Variants in NTNG1 observed in about 807,000 individuals in gnomAD.
The protein encoded by NTNG1 is netrin G1.
NTNG1 carries 16 observed loss-of-function variants against 54.0 expected under a neutral mutation model. The ratio of observed to expected loss-of-function variants is 0.30; its 90% CI spans 0.20 to 0.45. The LOEUF (loss-of-function observed/expected upper bound fraction) is 0.45, where lower values mean the gene tolerates loss of function less well. Among genes scored for constraint, NTNG1 ranks in the 20% least tolerant of loss-of-function variants. The pLI is 1.00. For missense variants in NTNG1, 530 were observed against 678.7 expected (o/e 0.78, Z 2.43); for synonymous variants, 255 against 263.1 (o/e 0.97, Z 0.30).
intron 2 of NTNG1, among the ~76,000 whole-genome samples, chr1:107,273,018 T>A (rs534732428): frequency 1.6e-4 from 24 of 152,328 alleles, no homozygotes; most frequent in African/African-American, 5.5e-4. Context: ...TCTAGGATAA[T>A]AAAGATGCAA....
At chr1:107,419,115 A>T (rs1349952336) in intron 5 of NTNG1, among the ~76,000 whole-genome samples, 1 of 151,720 alleles carries the variant, frequency 6.6e-6, no homozygotes, top group Non-Finnish European at 1.5e-5. Context: ...ACTTGCAAAA[A>T]TTTGGAGCAA....
chr1:107,413,714 A>G (rs1002008525), intron 5 of NTNG1, among the ~76,000 whole-genome samples: 3 of 152,138 alleles, frequency 2.0e-5, no homozygotes, highest in Non-Finnish European at 2.9e-5. Flanking sequence ...AACTTAATAA[A>G]AAAGCAACTC....
intron 7 of NTNG1, among the ~76,000 whole-genome samples, chr1:107,446,368 A>G (rs935181658): frequency 5.3e-5 from 8 of 152,142 alleles, no homozygotes; most frequent in Admixed American, 5.2e-4. Flanking sequence ...CAGGGTGGCC[A>G]TAAAATGATC....
chr1:107,430,734 T>A lies in NTNG1; in HGVS notation c.1088-16T>A, dbSNP rs750614596. 1 of 1,612,890 alleles carries A rather than the reference T, an allele frequency of 6.2e-7. No homozygotes were observed. Among genetic ancestry groups the A allele is most frequent in the East Asian group, 2.2e-5 (1 of 44,802 alleles). On this transcript the variant is annotated splice_polypyrimidine_tract_variant and intron_variant, in intron 5 of 7. Coordinates refer to ENST00000370068, the MANE Select transcript of NTNG1 (RefSeq NM_001113226.3). ...ACTGTATACACTCTGTATACATTTC[T>A]GTTCTTCCTTGCAAGATTGTGAATG... is the stretch of plus-strand genomic sequence containing the variant.
chr1:107,231,414 TG>T (rs1378516763), intron 2 of NTNG1, among the ~76,000 whole-genome samples: 1 of 152,174 alleles, frequency 6.6e-6, no homozygotes, highest in Non-Finnish European at 1.5e-5. Context: ...CTGCGGTAAA[TG>T]GTGGTTAATT....
rs185930213 is a variant in NTNG1, at chr1:107,275,238, G to A, written c.247-49044G>A. 1.3e-3 allele frequency among the ~76,000 whole-genome samples: 202 copies of A among 152,188 alleles called. 2 individuals carry two copies. In the East Asian group the frequency reaches 0.019, roughly 15 times the overall value. Reference sequence around the variant, plus strand: ...CTAAAAATACAAAAATTAGCCAGGCGTGGTGGCAGATGCCTATAACCTCAG... The same window carrying A: ...CTAAAAATACAAAAATTAGCCAGGCATGGTGGCAGATGCCTATAACCTCAG... On this transcript the variant is annotated intron_variant, in intron 2 of 7. Coordinates refer to ENST00000370068, the MANE Select transcript of NTNG1 (RefSeq NM_001113226.3).
At chr1:107,360,595 C>T (rs1008569834) in intron 3 of NTNG1, among the ~76,000 whole-genome samples, 1 of 152,134 alleles carries the variant, frequency 6.6e-6, no homozygotes, top group Non-Finnish European at 1.5e-5. Flanking sequence ...AATGGATAGT[C>T]TCTAATTCAT....
At chr1:107,285,633 C>T (rs1237508034) in intron 2 of NTNG1, among the ~76,000 whole-genome samples, 1 of 152,032 alleles carries the variant, frequency 6.6e-6, no homozygotes, top group Non-Finnish European at 1.5e-5. Flanking sequence ...GTTAATCCAC[C>T]AACTCTAAAG....
Position 107,362,333 on chromosome 1 carries a change from G to A in NTNG1, c.888-32821G>A, listed in dbSNP as rs547604470. On this transcript the variant is annotated intron_variant, in intron 3 of 7. Transcript: ENST00000370068. ...AGCTTAGGAGAGTTATGGAGAAGAG[G>A]CTTTTTATTTCCTTTGTAATACTAC... 2.6e-5 allele frequency among the ~76,000 whole-genome samples: 4 copies of A among 152,268 alleles called. No homozygotes were observed. In the East Asian group the frequency reaches 7.7e-4, roughly 29 times the overall value.
intron 2 of NTNG1, among the ~76,000 whole-genome samples, chr1:107,178,796 TA>T (rs529314295): frequency 6.0e-4 from 91 of 152,338 alleles, no homozygotes; most frequent in African/African-American, 2.1e-3. Context: ...TTCACTAAGT[TA>T]AGCCATGGCG....
intron 3 of NTNG1, among the ~76,000 whole-genome samples, chr1:107,387,011 A>T (rs1415981643): frequency 6.6e-6 from 1 of 152,166 alleles, no homozygotes; most frequent in Non-Finnish European, 1.5e-5. Flanking sequence ...AATGTTGAGC[A>T]TTTCTTCGTG....
intron 3 of NTNG1, among the ~76,000 whole-genome samples, chr1:107,376,111 C>T (rs1449363968): frequency 1.3e-5 from 2 of 152,210 alleles, no homozygotes; most frequent in South Asian, 2.1e-4. Context: ...ATTTAATCAT[C>T]AAAACATATA....
chr1:107,161,478 T>C (rs978652791), intron 2 of NTNG1, among the ~76,000 whole-genome samples: 5 of 151,812 alleles, frequency 3.3e-5, no homozygotes, highest in African/African-American at 1.2e-4. Flanking sequence ...CTGGCCAACA[T>C]GGCAAAACCC....
chr1:107,430,983 G>A, intron 6 of NTNG1, 66 bp downstream of exon 6: 1 of 1,501,030 alleles, frequency 6.7e-7, no homozygotes, highest in Non-Finnish European at 9.1e-7. Flanking sequence ...TATTTAGGGT[G>A]GAGAGGCTGG....
At chr1:107,232,239 G>A (rs549075868) in intron 2 of NTNG1, among the ~76,000 whole-genome samples, 1 of 152,286 alleles carries the variant, frequency 6.6e-6, no homozygotes, top group South Asian at 2.1e-4. Flanking sequence ...ATAATAACAT[G>A]TAAAGGACAC....
chr1:107,466,871 G>A (rs752179622), intron 7 of NTNG1, among the ~76,000 whole-genome samples: 4 of 152,070 alleles, frequency 2.6e-5, no homozygotes, highest in South Asian at 2.1e-4. Flanking sequence ...GCTCTTCTTC[G>A]AAAAGCTGTA....
chr1:107,477,155 A>C (rs1049884322), intron 7 of NTNG1, among the ~76,000 whole-genome samples: 1 of 152,224 alleles, frequency 6.6e-6, no homozygotes, highest in African/African-American at 2.4e-5. Context: ...TGCACCTCTA[A>C]GGTGGGGTAA....
At chr1:107,193,603 G>C (rs1658116992) in intron 2 of NTNG1, among the ~76,000 whole-genome samples, 1 of 151,904 alleles carries the variant, frequency 6.6e-6, no homozygotes, top group African/African-American at 2.4e-5. Context: ...TCAGTTTATG[G>C]GTGAGCAGAT....
intron 2 of NTNG1, among the ~76,000 whole-genome samples, chr1:107,237,375 G>C (rs1364939418): frequency 6.6e-6 from 1 of 152,146 alleles, no homozygotes; most frequent in African/African-American, 2.4e-5. Context: ...AAAGAAAGCA[G>C]AGCATAAAAG....
Sources: allele counts gnomAD v4.1 joint callset (sites outside exome capture counted in the v4.1 genomes callset), GRCh38; gene constraint gnomAD v4.1.1; transcripts MANE v1.5; gene names NCBI Gene and HGNC (gene_info 2026-07-23, HGNC 2026-07-21).